The following MYO3B variants were observed in gnomAD, a reference collection of about 807,000 sequenced individuals.
The protein encoded by MYO3B is myosin-IIIb.
Under a neutral mutation model 174.6 loss-of-function variants are expected in MYO3B, and 156 were observed. The observed-to-expected ratio is 0.89, with a 90% confidence interval of 0.78 to 1.02. MYO3B has a LOEUF of 1.02. Ranked by LOEUF, MYO3B falls within the 50% of genes least tolerant of loss-of-function variation. The pLI is 0.00. For missense variants in MYO3B, 1,632 were observed against 1,639.4 expected, an observed-to-expected ratio of 1.00 and a Z score of 0.08; for synonymous variants, 563 against 569.1, an observed-to-expected ratio of 0.99 and a Z score of 0.15.
chr2:170,273,866 T>C (rs2093443119), intron 7 of MYO3B, among the ~76,000 whole-genome samples: 2 of 152,152 alleles, frequency 1.3e-5, no homozygotes, highest in South Asian at 2.1e-4. Flanking sequence ...CCCCTGGCTA[T>C]TAATGAGAGG....
intron 22 of MYO3B, chr2:170,412,515 G>A (rs934085167): frequency 3.9e-5 from 6 of 152,158 alleles, no homozygotes; most frequent in African/African-American, 1.4e-4. Flanking sequence ...CAACAATAAA[G>A]TATCTGTTTA....
At chr2:170,639,870 G>T (rs534791547) in intron 32 of MYO3B, among the ~76,000 whole-genome samples, 2 of 152,226 alleles carry the variant, frequency 1.3e-5, no homozygotes, top group African/African-American at 2.4e-5. Context: ...TAAGAGAAAT[G>T]ATTTTCCCAG....
At chr2:170,531,358 A>G (rs1192691882) in intron 30 of MYO3B, among the ~76,000 whole-genome samples, 1 of 152,110 alleles carries the variant, frequency 6.6e-6, no homozygotes, top group Admixed American at 6.5e-5. Context: ...TACTTGTGGG[A>G]TTGTCTTGTG....
chr2:170,294,199 G>T (rs1452565796), intron 7 of MYO3B, among the ~76,000 whole-genome samples: 4 of 151,774 alleles, frequency 2.6e-5, no homozygotes, highest in Non-Finnish European at 5.9e-5. Flanking sequence ...TTTAATTTCT[G>T]TTCTTAAAAA....
chr2:170,594,455 C>A (rs77046896), intron 32 of MYO3B, among the ~76,000 whole-genome samples: 2,511 of 152,280 alleles, frequency 0.016, 68 homozygotes, highest in African/African-American at 0.057. Flanking sequence ...GAAGCCAGCT[C>A]TTCTAGTAAG....
chr2:170,404,483 T>G, intron 20 of MYO3B, 83 bp downstream of exon 20: 1 of 1,352,880 alleles, frequency 7.4e-7, no homozygotes, highest in Non-Finnish European at 1.0e-6. Context: ...TTAATGAATT[T>G]ACCTTACATA....
chr2:170,592,350 T>A (rs1011217524), intron 32 of MYO3B, among the ~76,000 whole-genome samples: 1 of 152,100 alleles, frequency 6.6e-6, no homozygotes, highest in Non-Finnish European at 1.5e-5. Context: ...AGTGAAAGTT[T>A]CTCTTTAATA....
Position 170,217,303 on chromosome 2 carries a change from T to C in MYO3B, c.527-16T>C, listed in dbSNP as rs775025799. ...TACTTTGCTCACTTTTGAATTCTGA[T>C]ACTCTTTCCTTATAGGTGTTTCAGC... On this transcript the variant is annotated splice_polypyrimidine_tract_variant and intron_variant, in intron 5 of 34. Transcript: ENST00000408978. 8.7e-6 allele frequency: 14 copies of C among 1,611,928 alleles called. No homozygotes were observed. Among genetic ancestry groups the C allele is most frequent in the African/African-American group, 1.3e-5 (1 of 75,010 alleles).
At chr2:170,180,000 T>C (rs928573323) in intron 1 of MYO3B, 3 of 197,174 alleles carry the variant, frequency 1.5e-5, no homozygotes, top group Non-Finnish European at 3.3e-5. Context: ...ATATATACCA[T>C]ACTATAACAT....
At chr2:170,580,718 A>ATATATATATATATATATATGTGTG (rs768974458) in intron 32 of MYO3B, among the ~76,000 whole-genome samples, 6 of 142,768 alleles carry the variant, frequency 4.2e-5, no homozygotes, top group Admixed American at 1.4e-4. Context: ...AACCTTATAT[A>ATATATATATATATATATATGTGTG]TGTGTGTGTG....
intron 23 of MYO3B, among the ~76,000 whole-genome samples, chr2:170,453,877 G>A (rs982952670): frequency 1.5e-4 from 23 of 152,202 alleles, no homozygotes; most frequent in Admixed American, 8.5e-4. Context: ...CACTTAAGGT[G>A]AGGAGGGATG....
At chr2:170,590,689 C>CCA (rs1054570167) in intron 32 of MYO3B, among the ~76,000 whole-genome samples, 1 of 151,134 alleles carries the variant, frequency 6.6e-6, no homozygotes, top group Non-Finnish European at 1.5e-5. Flanking sequence ...TGGAACTGAG[C>CCA]TAAGAAAAAT....
intron 5 of MYO3B, among the ~76,000 whole-genome samples, chr2:170,216,123 C>A (rs562626407): frequency 0.028 from 426 of 15,106 alleles, 4 homozygotes; most frequent in African/African-American, 0.11. Flanking sequence ...AGAGAATGTC[C>A]GCAGTCATCC....
At position 170,537,200 on chromosome 2, in the gene MYO3B, C is replaced by CA. The variant is rs1195145091; in HGVS notation, c.3576-5691dup. Among the ~76,000 whole-genome samples, 147 of 15,634 alleles carry CA rather than the reference C, an allele frequency of 9.4e-3. 2 individuals are homozygous for CA. The highest frequency in any genetic ancestry group is 0.023 in the African/African-American group (114 of 4,966). 10.3% of individuals were successfully genotyped at this position (15,634 alleles called of 152,430 possible). ...CGGGTGACAGTGCGAGACTCTGTCT[C>CA]AAAAAAAAAAAAAAACAAAAAACAA... On this transcript the variant is annotated intron_variant, in intron 30 of 34. Coordinates refer to ENST00000408978, the MANE Select transcript of MYO3B (RefSeq NM_138995.5).
At chr2:170,330,125 C>G (rs2093901670) in intron 7 of MYO3B, among the ~76,000 whole-genome samples, 1 of 152,196 alleles carries the variant, frequency 6.6e-6, no homozygotes, top group East Asian at 1.9e-4. Context: ...TGATTTATGT[C>G]CCATCTGTGA....
chr2:170,185,770 T>C (rs2092454451), intron 1 of MYO3B, among the ~76,000 whole-genome samples: 1 of 152,142 alleles, frequency 6.6e-6, no homozygotes, highest in Non-Finnish European at 1.5e-5. Flanking sequence ...TCTTTCAAAC[T>C]ATGAACATAG....
intron 9 of MYO3B, among the ~76,000 whole-genome samples, chr2:170,374,174 A>G (rs71415211): frequency 0.045 from 6,838 of 152,258 alleles, 206 homozygotes; most frequent in Non-Finnish European, 0.067. Flanking sequence ...AGCAGACATT[A>G]TGGTCTTCTT....
At chr2:170,249,424 C>T (rs948711621) in intron 7 of MYO3B, among the ~76,000 whole-genome samples, 1 of 152,178 alleles carries the variant, frequency 6.6e-6, no homozygotes, top group African/African-American at 2.4e-5. Context: ...AGTTTAGTAA[C>T]AGATGTTCTT....
intron 32 of MYO3B, among the ~76,000 whole-genome samples, chr2:170,577,085 A>T (rs1692831646): frequency 7.1e-6 from 1 of 140,386 alleles, no homozygotes; most frequent in Admixed American, 7.4e-5. Flanking sequence ...TGGCAGTGTC[A>T]GCCTCTAATT....
Sources: gnomAD v4.1 joint callset for allele counts (sites outside exome capture counted in the v4.1 genomes callset) on GRCh38, gnomAD v4.1.1 for gene constraint, MANE v1.5 for transcripts, NCBI Gene and HGNC (gene_info 2026-07-23, HGNC 2026-07-21) for gene names.